Variants in CEP85L observed in about 807,000 individuals in gnomAD.
CEP85L encodes the protein centrosomal protein 85L, also known as centrosomal protein of 85 kDa-like.
CEP85L carries 60 observed loss-of-function variants against 100.3 expected under a neutral mutation model. The ratio of observed to expected loss-of-function variants is 0.60; its 90% confidence interval spans 0.49 to 0.74. The LOEUF is 0.74. CEP85L is among the 30% of genes least tolerant of loss of function. The probability of loss-of-function intolerance (pLI) is 0.00; values close to 1 mark genes in which losing one functional copy is unlikely to be tolerated. For synonymous variants in CEP85L, 319 were observed against 322.7 expected, an observed-to-expected ratio of 0.99 and a Z score of 0.12; for missense variants, 973 against 936.2, an observed-to-expected ratio of 1.04 and a Z score of -0.51.
At chr6:118,568,281 C>T (rs867957898) in intron 2 of CEP85L, among the ~76,000 whole-genome samples, 8 of 152,192 alleles carry the variant, frequency 5.3e-5, no homozygotes, top group Admixed American at 2.6e-4. Context: ...AGGCATATTA[C>T]TTGGAAGCTT....
At chr6:118,544,292 G>C (rs1029014496) in intron 3 of CEP85L, among the ~76,000 whole-genome samples, 57 of 152,136 alleles carry the variant, frequency 3.7e-4, no homozygotes, top group African/African-American at 1.4e-3. Context: ...TGATGTATGT[G>C]TTTCCCTTTG....
chr6:118,527,402 T>C (rs7761717), intron 3 of CEP85L, among the ~76,000 whole-genome samples: 107,740 of 151,970 alleles, frequency 0.71, 38,914 homozygotes, highest in African/African-American at 0.75. Context: ...GGCTGAACCC[T>C]AGTTTTGGGG....
At chr6:118,523,220 T>G (rs554786728) in intron 4 of CEP85L, among the ~76,000 whole-genome samples, 1 of 152,200 alleles carries the variant, frequency 6.6e-6, no homozygotes, top group Non-Finnish European at 1.5e-5. Flanking sequence ...AATATAATGA[T>G]GTAACATGAA....
At chr6:118,514,489 C>T (rs1306258283) in intron 4 of CEP85L, among the ~76,000 whole-genome samples, 1 of 137,800 alleles carries the variant, frequency 7.3e-6, no homozygotes, top group African/African-American at 2.8e-5. Context: ...CGTGCCATTG[C>T]ACTTCAGCCT....
intron 7 of CEP85L, among the ~76,000 whole-genome samples, chr6:118,482,607 G>A (rs962850203): frequency 1.3e-5 from 2 of 152,138 alleles, no homozygotes; most frequent in Admixed American, 6.6e-5. Context: ...ATCTGGTCAT[G>A]GACACTTGGG....
intron 6 of CEP85L, among the ~76,000 whole-genome samples, chr6:118,486,520 A>C (rs568129435): frequency 1.3e-5 from 2 of 152,228 alleles, no homozygotes; most frequent in Non-Finnish European, 2.9e-5. Flanking sequence ...TAAGGATTAC[A>C]GAGTAAATGC....
intron 1 of CEP85L, 146 bp downstream of exon 1, chr6:118,651,051 C>T: frequency 3.2e-6 from 4 of 1,259,652 alleles, no homozygotes; most frequent in Non-Finnish European, 4.1e-6. Flanking sequence ...GTGCTGACAG[C>T]GGGGAGGACA....
At chr6:118,505,409 CAAAAAAAAAAAAAAA>C (rs56893664) in intron 5 of CEP85L, among the ~76,000 whole-genome samples, 12 of 71,832 alleles carry the variant, frequency 1.7e-4, no homozygotes, top group South Asian at 1.5e-3. Context: ...TCACTGTACT[CAAAAAAAAAAAAAAA>C]AAAAAAAAAA....
At chr6:118,560,608 G>A (rs1341663756) in intron 3 of CEP85L, 1 of 166,942 alleles carries the variant, frequency 6.0e-6, no homozygotes, top group Non-Finnish European at 1.5e-5. Flanking sequence ...ACTGTAATAG[G>A]ATATAGCTAT....
At chr6:118,504,382 G>GA (rs371005450) in intron 5 of CEP85L, among the ~76,000 whole-genome samples, 258 of 137,306 alleles carry the variant, frequency 1.9e-3, no homozygotes, top group African/African-American at 5.4e-3. Context: ...CTCAAAAAAA[G>GA]AAAAAAAAAA....
chr6:118,605,731 A>G (rs1468386621), intron 2 of CEP85L, among the ~76,000 whole-genome samples: 1 of 152,144 alleles, frequency 6.6e-6, no homozygotes, highest in Non-Finnish European at 1.5e-5. Context: ...GTGGAAAGAC[A>G]GCTGGGCACC....
chr6:118,470,470 T>C, intron 11 of CEP85L, 67 bp downstream of exon 11: 1 of 834,282 alleles, frequency 1.2e-6, no homozygotes, highest in Non-Finnish European at 1.8e-6. Flanking sequence ...GCTCTATTAA[T>C]ATCTATAAAA....
chr6:118,626,933 C>T (rs1393077764), intron 2 of CEP85L, among the ~76,000 whole-genome samples: 2 of 152,208 alleles, frequency 1.3e-5, no homozygotes, highest in Admixed American at 6.5e-5. Flanking sequence ...GGCACAGTGG[C>T]TCATGCCTGT....
chr6:118,614,868 A>ACAGACAG (rs1772914530), intron 2 of CEP85L, among the ~76,000 whole-genome samples: 1 of 100,172 alleles, frequency 1.0e-5, no homozygotes, highest in Non-Finnish European at 2.0e-5. Context: ...AGACAGACAG[A>ACAGACAG]TAGATAGATA....
rs73526175 is a variant in CEP85L at position 118,558,619 on chromosome 6, G to A, written c.1020+6910C>T. On this transcript the variant is annotated intron_variant, in intron 3 of 12. Coordinates refer to ENST00000368491, the MANE Select transcript of CEP85L (RefSeq NM_001042475.3). Reference sequence around the variant, plus strand: ...AAGAGAGACAGACACATAGAAACACGTGCACATACACACACACACACACAC... The same window carrying A: ...AAGAGAGACAGACACATAGAAACACATGCACATACACACACACACACACAC... 1.3e-4 allele frequency among the ~76,000 whole-genome samples: 11 copies of A among 85,174 alleles called. No homozygotes were observed. The South Asian group carries it at 2.0e-3, about 16-fold the overall frequency. The allele number at this position is 85,174 out of a possible 152,430, so 55.9% of individuals were successfully genotyped here. A position where few individuals can be genotyped will look rare whatever the true frequency, so the allele number is the denominator to read the frequency against.
intron 5 of CEP85L, among the ~76,000 whole-genome samples, chr6:118,498,195 A>G (rs1775043994): frequency 6.6e-6 from 1 of 152,128 alleles, no homozygotes; most frequent in South Asian, 2.1e-4. Context: ...TTAATATAAA[A>G]TGCTCAATTA....
chr6:118,579,279 T>C, intron 2 of CEP85L, among the ~76,000 whole-genome samples: 1 of 151,086 alleles, frequency 6.6e-6, no homozygotes, highest in Admixed American at 6.6e-5. Context: ...AAGGACAATT[T>C]GATGTATGGT....
chr6:118,614,849 T>TAGACAGACAGAC (rs61384909), intron 2 of CEP85L, among the ~76,000 whole-genome samples: 7,892 of 146,364 alleles, frequency 0.054, 228 homozygotes, highest in Non-Finnish European at 0.072. Context: ...CATTCATTCA[T>TAGACAGACAGAC]AGACAGACAG....
intron 2 of CEP85L, among the ~76,000 whole-genome samples, chr6:118,579,490 G>C (rs964920542): frequency 1.2e-4 from 18 of 152,092 alleles, no homozygotes; most frequent in African/African-American, 4.1e-4. Flanking sequence ...TTCAACTTAA[G>C]ATTAAGTCTC....
Sources: allele counts gnomAD v4.1 joint callset (sites outside exome capture counted in the v4.1 genomes callset), GRCh38; gene constraint gnomAD v4.1.1; transcripts MANE v1.5; gene names NCBI Gene and HGNC (gene_info 2026-07-23, HGNC 2026-07-21).